Variants in SLC4A10 observed in about 807,000 individuals in gnomAD.
SLC4A10 encodes the protein solute carrier family 4 member 10.
In SLC4A10, 42 loss-of-function variants were observed where a neutral mutation model predicts 137.7. That is an observed-to-expected ratio of 0.30 (90% CI 0.24 to 0.39). SLC4A10 has a LOEUF of 0.39. Ranked by LOEUF, SLC4A10 falls within the 10% of genes least tolerant of loss-of-function variation. The pLI, the probability that SLC4A10 is intolerant of heterozygous loss-of-function variation, is 1.00. For missense variants in SLC4A10, 925 were observed against 1,355.0 expected (o/e 0.68, Z 4.98); for synonymous variants, 474 against 464.1 (o/e 1.02, Z -0.27).
chr2:161,693,671 T>C (rs978214043), intron 1 of SLC4A10, among the ~76,000 whole-genome samples: 9 of 122,356 alleles, frequency 7.4e-5, no homozygotes, highest in Non-Finnish European at 1.2e-4. Flanking sequence ...AAATTCGACT[T>C]TTTTTTTTTT....
chr2:161,708,993 T>A lies in SLC4A10; in HGVS notation c.49-61980T>A, dbSNP rs183814381. Reference sequence around the variant, plus strand: ...TATGGCAGCTAAACAATATGATTATTAGAAATGTGTGTGTATGTGTGTGCC... The same window carrying A: ...TATGGCAGCTAAACAATATGATTATAAGAAATGTGTGTGTATGTGTGTGCC... On this transcript the variant is annotated intron_variant, in intron 1 of 26. Transcript: ENST00000446997. Among the ~76,000 whole-genome samples, 4 of 151,430 alleles carry A rather than the reference T, an allele frequency of 2.6e-5. No individual in the cohort carries two copies. In the East Asian group the frequency reaches 7.8e-4, roughly 29 times the overall value.
At chr2:161,827,728 G>A (rs570247994) in intron 3 of SLC4A10, among the ~76,000 whole-genome samples, 181 of 152,112 alleles carry the variant, frequency 1.2e-3, no homozygotes, top group African/African-American at 4.1e-3. Flanking sequence ...CACCAGGCCG[G>A]CTAATTTTTT....
intron 2 of SLC4A10, 88 bp from the exon 3 acceptor site, chr2:161,804,361 A>T: frequency 7.3e-7 from 1 of 1,375,776 alleles, no homozygotes; most frequent in Non-Finnish European, 9.9e-7. Context: ...GAATTAAATT[A>T]AATTGAGTCT....
chr2:161,938,300 T>G (rs865994352), intron 15 of SLC4A10, among the ~76,000 whole-genome samples: 11 of 152,010 alleles, frequency 7.2e-5, no homozygotes, highest in African/African-American at 2.2e-4. Context: ...ATGAATTAAT[T>G]AAATAAAGAA....
chr2:161,635,488 T>C (rs1389359136), intron 1 of SLC4A10, among the ~76,000 whole-genome samples: 1 of 152,172 alleles, frequency 6.6e-6, no homozygotes, highest in Non-Finnish European at 1.5e-5. Context: ...TATTAATGGG[T>C]CTGCTTTTGC....
intron 10 of SLC4A10, among the ~76,000 whole-genome samples, chr2:161,889,011 T>C (rs551027392): frequency 1.7e-4 from 26 of 152,342 alleles, no homozygotes; most frequent in Non-Finnish European, 2.9e-4. Context: ...TTGAATTTTA[T>C]TGAAGGCCTT....
chr2:161,891,431 C>A (rs1483076893), intron 10 of SLC4A10, among the ~76,000 whole-genome samples: 1 of 152,106 alleles, frequency 6.6e-6, no homozygotes, highest in African/African-American at 2.4e-5. Flanking sequence ...TTCAGGTACA[C>A]CAATCAAACG....
At chr2:161,703,421 A>G (rs1180536792) in intron 1 of SLC4A10, among the ~76,000 whole-genome samples, 2 of 151,706 alleles carry the variant, frequency 1.3e-5, no homozygotes, top group African/African-American at 4.8e-5. Context: ...ATAGTTTACT[A>G]TCATTTTAGG....
At chr2:161,685,646 A>C (rs938811313) in intron 1 of SLC4A10, among the ~76,000 whole-genome samples, 3 of 151,944 alleles carry the variant, frequency 2.0e-5, no homozygotes, top group South Asian at 2.1e-4. Context: ...AAAAAAAAAA[A>C]CAAAGAAATT....
chr2:161,784,499 T>C (rs62190662), intron 2 of SLC4A10, among the ~76,000 whole-genome samples: 11,036 of 151,844 alleles, frequency 0.073, 469 homozygotes, highest in East Asian at 0.15. Context: ...CATATTAAGC[T>C]GAAAAGTATG....
At chr2:161,767,094 CATATATATATATATATATAT>C (rs770704286) in intron 1 of SLC4A10, among the ~76,000 whole-genome samples, 2,026 of 40,206 alleles carry the variant, frequency 0.05, 61 homozygotes, top group Middle Eastern at 0.2. Flanking sequence ...AATTAAGAAG[CATATATATATATATATATAT>C]ATATATATAT....
chr2:161,819,373 C>G (rs1365662733), intron 3 of SLC4A10, among the ~76,000 whole-genome samples: 3 of 152,066 alleles, frequency 2.0e-5, no homozygotes, highest in Non-Finnish European at 2.9e-5. Flanking sequence ...TAAGTTCAAC[C>G]TACTTTGGCT....
At chr2:161,783,803 C>T (rs1245331398) in intron 2 of SLC4A10, among the ~76,000 whole-genome samples, 2 of 151,038 alleles carry the variant, frequency 1.3e-5, no homozygotes, top group South Asian at 2.1e-4. Context: ...AAAAAATCAA[C>T]AAAACATGAA....
intron 1 of SLC4A10, among the ~76,000 whole-genome samples, chr2:161,764,341 T>C (rs182712941): frequency 1.3e-5 from 2 of 152,158 alleles, no homozygotes; most frequent in Non-Finnish European, 2.9e-5. Context: ...CAAGTGGTAA[T>C]AGTGGAAGGC....
At chr2:161,702,519 T>G (rs901008000) in intron 1 of SLC4A10, among the ~76,000 whole-genome samples, 1 of 151,792 alleles carries the variant, frequency 6.6e-6, no homozygotes, top group African/African-American at 2.4e-5. Flanking sequence ...GACTTATTGG[T>G]GGCTTTTTGG....
At chr2:161,687,631 T>C (rs1218159270) in intron 1 of SLC4A10, among the ~76,000 whole-genome samples, 2 of 152,210 alleles carry the variant, frequency 1.3e-5, no homozygotes, top group African/African-American at 2.4e-5. Flanking sequence ...AATATTGATA[T>C]CGTTTGGCAC....
At chr2:161,635,518 C>T (rs1418684423) in intron 1 of SLC4A10, among the ~76,000 whole-genome samples, 2 of 152,160 alleles carry the variant, frequency 1.3e-5, no homozygotes, top group Non-Finnish European at 2.9e-5. Flanking sequence ...ACCATATCCT[C>T]CTCTTGGTAG....
intron 1 of SLC4A10, among the ~76,000 whole-genome samples, chr2:161,696,608 A>G (rs556415819): frequency 6.0e-4 from 91 of 150,610 alleles, no homozygotes; most frequent in African/African-American, 2.2e-3. Flanking sequence ...TTCCAATTTC[A>G]TCCATGTCTC....
At chr2:161,852,838 A>G (rs1421815169) in intron 4 of SLC4A10, among the ~76,000 whole-genome samples, 2 of 152,188 alleles carry the variant, frequency 1.3e-5, no homozygotes, top group East Asian at 3.8e-4. Context: ...AAATTATTTA[A>G]TGTGTTTAAT....
Sources: gnomAD v4.1 joint callset for allele counts (sites outside exome capture counted in the v4.1 genomes callset) on GRCh38, gnomAD v4.1.1 for gene constraint, MANE v1.5 for transcripts, NCBI Gene and HGNC (gene_info 2026-07-23, HGNC 2026-07-21) for gene names.